The following ORC1 variants were observed in gnomAD, a reference collection of about 807,000 sequenced individuals.
The protein encoded by ORC1 is origin recognition complex, subunit 1 homolog.
In ORC1, 61 loss-of-function variants were observed where a neutral mutation model predicts 98.9. The ratio of observed to expected loss-of-function variants is 0.62; its 90% confidence interval spans 0.50 to 0.76. The LOEUF is 0.76. Ranked by LOEUF, ORC1 falls within the 30% of genes least tolerant of loss-of-function variation. The probability of loss-of-function intolerance (pLI) is 0.00; values close to 1 mark genes in which losing one functional copy is unlikely to be tolerated. For synonymous variants in ORC1, 385 were observed against 406.9 expected (o/e 0.95, Z 0.65); for missense variants, 979 against 1,072.2 (o/e 0.91, Z 1.21).
chr1:52,380,594 C>T (rs1466273509), intron 14 of ORC1, among the ~76,000 whole-genome samples: 1 of 151,780 alleles, frequency 6.6e-6, no homozygotes. Context: ...ACTCAGGAGG[C>T]TGAGGCAGGA....
chr1:52,397,553 G>A (rs1647462066), intron 4 of ORC1, 132 bp downstream of exon 4: 1 of 856,698 alleles, frequency 1.2e-6, no homozygotes, highest in South Asian at 1.4e-5. Context: ...AGACAGGCAA[G>A]CACAGAAGAT....
At chr1:52,408,746 CAG>C, upstream of ORC1, 1 of 1,591,518 alleles carries the variant, frequency 6.3e-7, no homozygotes, top group Non-Finnish European at 8.6e-7. Flanking sequence ...TTTATTTTAC[CAG>C]TACTTCTACC....
In ORC1 at chr1:52,388,748, T is replaced by C. The variant is rs151195204; in HGVS notation, c.1188-111A>G. On this transcript the variant is annotated intron_variant, in intron 7 of 16. Transcript: ENST00000371568. ...TTGCAGGGTCCCTCCTGTGACCAGGTGACATGGGTGCTTGCTACCGAGACA... is the reference window on the plus strand; with the variant it reads ...TTGCAGGGTCCCTCCTGTGACCAGGCGACATGGGTGCTTGCTACCGAGACA... 231 of 913,614 alleles carry C rather than the reference T, an allele frequency of 2.5e-4. No homozygotes were observed. The African/African-American group carries it at 3.1e-3, about 12-fold the overall frequency. The allele number at this position is 913,614 out of a possible 1,614,324, so 56.6% of individuals were successfully genotyped here.
upstream of ORC1, chr1:52,409,044 A>G (rs118096277): frequency 4.1e-5 from 8 of 196,038 alleles, no homozygotes; most frequent in East Asian, 1.0e-3. Context: ...TTAGTTTTCC[A>G]TATTTTACAT....
chr1:52,373,301 C>T lies in ORC1; in HGVS notation c.2466G>A (p.Val822=). The change falls in exon 17 of 17, where the codon GTG becomes GTA. Residue 822 remains valine (V), a synonymous_variant. Transcript: ENST00000371568. ...GGCGACAGGAGCCCAGGTGAGAACACACGGCCATGGTCTCTGACATGGTGG... is the reference window on the plus strand; with the variant it reads ...GGCGACAGGAGCCCAGGTGAGAACATACGGCCATGGTCTCTGACATGGTGG... The part of the protein sequence containing the change: ...PYPTMSETMA[V]CSHLGSCRLL... 6.2e-7 allele frequency: 1 copy of T among 1,614,188 alleles called. No individual in the cohort carries two copies. The highest frequency in any genetic ancestry group is 8.5e-7 in the Non-Finnish European group (1 of 1,180,028).
At chr1:52,391,461 T>C (rs1647210123) in intron 6 of ORC1, among the ~76,000 whole-genome samples, 1 of 152,150 alleles carries the variant, frequency 6.6e-6, no homozygotes, top group African/African-American at 2.4e-5. Flanking sequence ...AAAAAGCTTC[T>C]GCACAGCAAA....
At chr1:52,409,243 T>C (rs1005288552), upstream of ORC1, among the ~76,000 whole-genome samples, 5 of 152,208 alleles carry the variant, frequency 3.3e-5, no homozygotes, top group Non-Finnish European at 7.3e-5. Context: ...TCAAAACCTT[T>C]TCTCACTTGG....
At position 52,380,694 on chromosome 1, in the gene ORC1, C is replaced by CA. The variant is rs34536767; in HGVS notation, c.2133+947dup. The stretch of plus-strand genomic sequence containing the variant: ...TGGGCGACCGAGTGAGATGCTGTTT[C>CA]AAAAAAAAAAAAAAGGGTGGCATAA... On this transcript the variant is annotated intron_variant, in intron 14 of 16. Coordinates refer to ENST00000371568, the MANE Select transcript of ORC1 (RefSeq NM_004153.4). 4.2e-3 allele frequency among the ~76,000 whole-genome samples: 357 copies of CA among 84,144 alleles called. 2 individuals carry two copies. The highest frequency in any genetic ancestry group is 0.019 in the South Asian group (52 of 2,786). The allele number at this position is 84,144 out of a possible 152,430, so 55.2% of individuals were successfully genotyped here.
chr1:52,372,902 A>G lies in ORC1; in HGVS notation c.*279T>C. Reference sequence around the variant, plus strand: ...CCATTTCCATTCAATATACTTTGTTACAACAATTCCATGTACTTCCAAAAT... The same window carrying G: ...CCATTTCCATTCAATATACTTTGTTGCAACAATTCCATGTACTTCCAAAAT... On this transcript the variant is annotated 3_prime_UTR_variant, in exon 17 of 17. Coordinates refer to ENST00000371568, the MANE Select transcript of ORC1 (RefSeq NM_004153.4). 1 of 422,156 alleles carries G rather than the reference A, an allele frequency of 2.4e-6. No individual in the cohort carries two copies. The highest frequency in any genetic ancestry group is 4.4e-6 in the Non-Finnish European group (1 of 225,354). The allele number at this position is 422,156 out of a possible 1,614,324, so 26.2% of individuals were successfully genotyped here.
At chr1:52,381,831 C>T (rs1647074763) in intron 13 of ORC1, 70 bp from the exon 14 acceptor site, 3 of 1,548,040 alleles carry the variant, frequency 1.9e-6, no homozygotes, top group South Asian at 2.2e-5. Flanking sequence ...GAAAGTCACC[C>T]TTGGGCCCCC....
upstream of ORC1, chr1:52,408,778 T>C (rs1648069685): frequency 1.4e-6 from 2 of 1,444,632 alleles, no homozygotes; most frequent in South Asian, 1.3e-5. Flanking sequence ...TCATAGACAG[T>C]GTGAATGCTC....
chr1:52,390,929 G>T (rs1054761652), intron 6 of ORC1, among the ~76,000 whole-genome samples: 1 of 145,024 alleles, frequency 6.9e-6, no homozygotes, highest in Non-Finnish European at 1.5e-5. Context: ...GAAGAAGAAA[G>T]AAACTGGATC....
At chr1:52,388,683 A>G in intron 7 of ORC1, 46 bp from the exon 8 acceptor site, 1 of 1,514,296 alleles carries the variant, frequency 6.6e-7, no homozygotes, top group Non-Finnish European at 9.2e-7. Flanking sequence ...TTCAAGTCTA[A>G]ATAAGAAGAA....
At chr1:52,401,603 A>G in intron 2 of ORC1, 114 bp from the exon 3 acceptor site, 1 of 1,252,334 alleles carries the variant, frequency 8.0e-7, no homozygotes, top group Non-Finnish European at 1.2e-6. Flanking sequence ...CTGCTGACCA[A>G]CTCTCCTACT....
Position 52,397,599 on chromosome 1 carries a change from G to T in ORC1, c.402+86C>A. 6.5e-6 allele frequency: 8 copies of T among 1,238,460 alleles called. No homozygotes were observed. In the South Asian group the frequency reaches 7.3e-5, roughly 11 times the overall value. 76.7% of individuals were successfully genotyped at this position (1,238,460 alleles called of 1,614,324 possible). On this transcript the variant is annotated intron_variant, in intron 4 of 16. Coordinates refer to ENST00000371568, the MANE Select transcript of ORC1 (RefSeq NM_004153.4). ...AATGCATTCCCTATGGGGTATTAGA[G>T]CCGGTAATATTTCTGGGGTCATGAA... is the stretch of plus-strand genomic sequence containing the variant.
intron 14 of ORC1, among the ~76,000 whole-genome samples, chr1:52,380,384 A>T (rs993474034): frequency 2.6e-5 from 4 of 152,234 alleles, no homozygotes; most frequent in African/African-American, 9.6e-5. Context: ...AAAACGGGAA[A>T]GGACAATTTC....
chr1:52,391,300 G>A (rs1173180695), intron 6 of ORC1, among the ~76,000 whole-genome samples: 7 of 137,182 alleles, frequency 5.1e-5, no homozygotes, highest in Non-Finnish European at 9.1e-5. Flanking sequence ...CAGACAGAGT[G>A]AGACTCCATC....
chr1:52,382,939 C>T (rs1045370391), intron 13 of ORC1, among the ~76,000 whole-genome samples: 1 of 152,036 alleles, frequency 6.6e-6, no homozygotes, highest in African/African-American at 2.4e-5. Flanking sequence ...TAAAAGTCCA[C>T]GAGCAGCAGA....
At chr1:52,373,630 G>A (rs1276149872) in intron 16 of ORC1, among the ~76,000 whole-genome samples, 1 of 152,144 alleles carries the variant, frequency 6.6e-6, no homozygotes, top group Non-Finnish European at 1.5e-5. Flanking sequence ...CCAAGTTACT[G>A]CACTCTTTTG....
Sources: gnomAD v4.1 joint callset for allele counts (sites outside exome capture counted in the v4.1 genomes callset) on GRCh38, gnomAD v4.1.1 for gene constraint, MANE v1.5 for transcripts, NCBI Gene and HGNC (gene_info 2026-07-23, HGNC 2026-07-21) for gene names.